The following AJAP1 variants were observed in gnomAD, a reference collection of about 807,000 sequenced individuals.
The protein encoded by AJAP1 is adherens junction-associated protein 1.
AJAP1 carries 5 observed loss-of-function variants against 35.0 expected under a neutral mutation model. That is an observed-to-expected ratio of 0.14 (90% CI 0.07 to 0.30). The LOEUF (loss-of-function observed/expected upper bound fraction) is 0.30, where lower values mean the gene tolerates loss of function less well. Among genes scored for constraint, AJAP1 ranks in the 10% least tolerant of loss-of-function variants. The probability of loss-of-function intolerance (pLI) is 1.00; values close to 1 mark genes in which losing one functional copy is unlikely to be tolerated. For missense variants in AJAP1, 586 were observed against 571.0 expected, an observed-to-expected ratio of 1.03 and a Z score of -0.27; for synonymous variants, 284 against 249.3, an observed-to-expected ratio of 1.14 and a Z score of -1.31.
At chr1:4,702,740 G>A (rs1282411823) in intron 1 of AJAP1, among the ~76,000 whole-genome samples, 2 of 152,280 alleles carry the variant, frequency 1.3e-5, no homozygotes, top group East Asian at 3.9e-4. Context: ...AGGAGCCTCC[G>A]CTGGGTACTC....
intron 1 of AJAP1, among the ~76,000 whole-genome samples, chr1:4,683,123 C>T (rs781333483): frequency 6.6e-6 from 1 of 152,204 alleles, no homozygotes; most frequent in Non-Finnish European, 1.5e-5. Flanking sequence ...TGGACTCTTA[C>T]CTGCTGTGTA....
At position 4,684,638 on chromosome 1, in the gene AJAP1, C is replaced by T. The variant is rs1342238198; in HGVS notation, c.30-27262C>T. On this transcript the variant is annotated intron_variant, in intron 1 of 5. Transcript: ENST00000378191. ...AGAAGGTTTTTGCAGGCACTCGCAG[C>T]TTCTCACGTGCCTCCAAATGGACCT... 2.0e-5 allele frequency among the ~76,000 whole-genome samples: 3 copies of T among 152,182 alleles called. No homozygotes were observed. The East Asian group carries it at 5.8e-4, about 29-fold the overall frequency.
At chr1:4,757,863 T>C (rs1056326088) in intron 2 of AJAP1, among the ~76,000 whole-genome samples, 1 of 152,130 alleles carries the variant, frequency 6.6e-6, no homozygotes, top group African/African-American at 2.4e-5. Context: ...GTGATATGCT[T>C]TTGCTGTGTC....
intron 2 of AJAP1, among the ~76,000 whole-genome samples, chr1:4,713,055 C>T (rs1056604507): frequency 6.6e-6 from 1 of 152,118 alleles, no homozygotes; most frequent in Non-Finnish European, 1.5e-5. Flanking sequence ...AGAATTTTGT[C>T]TCTGGGGCCG....
At chr1:4,718,785 A>G (rs762539311) in intron 2 of AJAP1, among the ~76,000 whole-genome samples, 2 of 152,018 alleles carry the variant, frequency 1.3e-5, no homozygotes, top group Non-Finnish European at 1.5e-5. Context: ...CCGGCCTCCT[A>G]AGGCACTTTC....
In AJAP1 at chr1:4,712,057, C is replaced by T. The variant is rs758994527; in HGVS notation, c.187C>T (p.Leu63=). The T allele has an allele frequency of 8.2e-6, 13 of 1,585,804 alleles. No individual in the cohort carries two copies. The highest frequency in any genetic ancestry group is 1.4e-5 in the African/African-American group (1 of 72,208). The change falls in exon 2 of 6, where the codon CTG becomes TTG. Residue 63 remains leucine, a synonymous_variant. Coordinates refer to ENST00000378191, the MANE Select transcript of AJAP1 (RefSeq NM_018836.4). ...GCGGTCGCCGCCCCGGCCGCCCCGG[C>T]TGTGGAGTTTTAGGAGTGGACAGCC... ...LPRSPPRPPR[L]WSFRSGQPAR...
intron 1 of AJAP1, among the ~76,000 whole-genome samples, chr1:4,701,839 G>A (rs1024649374): frequency 3.9e-5 from 6 of 152,172 alleles, no homozygotes; most frequent in African/African-American, 7.2e-5. Context: ...GTGATGCTGC[G>A]TAGATGCAGG....
intron 2 of AJAP1, among the ~76,000 whole-genome samples, chr1:4,762,315 G>T (rs1036783047): frequency 6.6e-6 from 1 of 152,214 alleles, no homozygotes; most frequent in Non-Finnish European, 1.5e-5. Flanking sequence ...TCCTGCCTGA[G>T]AAGTGTCTTT....
chr1:4,674,766 G>A (rs1382410601), intron 1 of AJAP1, among the ~76,000 whole-genome samples: 1 of 152,212 alleles, frequency 6.6e-6, no homozygotes, highest in Non-Finnish European at 1.5e-5. Context: ...GAGTGAGCAG[G>A]CAGCATTCTG....
chr1:4,682,017 C>T (rs576809527), intron 1 of AJAP1, among the ~76,000 whole-genome samples: 1 of 152,284 alleles, frequency 6.6e-6, no homozygotes, highest in South Asian at 2.1e-4. Context: ...GCACGAGGAA[C>T]ATAGTAAGGC....
intron 2 of AJAP1, among the ~76,000 whole-genome samples, chr1:4,735,660 G>A (rs994843257): frequency 1.2e-5 from 1 of 80,446 alleles, no homozygotes; most frequent in African/African-American, 3.8e-5. Context: ...TGCTGTGTGA[G>A]GTGTGAGGTG....
At chr1:4,772,566 T>C in intron 4 of AJAP1, 41 bp downstream of exon 4, 1 of 1,602,830 alleles carries the variant, frequency 6.2e-7, no homozygotes, top group Non-Finnish European at 8.5e-7. Context: ...TGTGAAGCTC[T>C]TGGTGCTCCT....
intron 1 of AJAP1, among the ~76,000 whole-genome samples, chr1:4,690,439 G>C (rs1038096184): frequency 1.6e-4 from 24 of 152,302 alleles, no homozygotes; most frequent in Middle Eastern, 3.4e-3. Context: ...CCCTCTCTTC[G>C]TCATGGAGCC....
At chr1:4,670,068 A>T (rs1305903441) in intron 1 of AJAP1, among the ~76,000 whole-genome samples, 1 of 152,154 alleles carries the variant, frequency 6.6e-6, no homozygotes, top group African/African-American at 2.4e-5. Flanking sequence ...CGGGGATGTC[A>T]CTCAGCCCTG....
At chr1:4,733,027 G>C (rs1430438352) in intron 2 of AJAP1, among the ~76,000 whole-genome samples, 4 of 152,170 alleles carry the variant, frequency 2.6e-5, no homozygotes, top group Non-Finnish European at 5.9e-5. Flanking sequence ...GGGCATTTCA[G>C]AATCTGTTTG....
At chr1:4,729,246 G>C (rs905046519) in intron 2 of AJAP1, among the ~76,000 whole-genome samples, 1 of 152,164 alleles carries the variant, frequency 6.6e-6, no homozygotes, top group African/African-American at 2.4e-5. Flanking sequence ...CGTGAGAAGG[G>C]TGCAGGTCGG....
chr1:4,724,873 T>C (rs1640613082), intron 2 of AJAP1, among the ~76,000 whole-genome samples: 1 of 152,222 alleles, frequency 6.6e-6, no homozygotes. Flanking sequence ...AGGGTGACAA[T>C]GTGCCGTGCT....
chr1:4,766,664 G>C (rs1309518956), intron 2 of AJAP1, among the ~76,000 whole-genome samples: 3 of 152,204 alleles, frequency 2.0e-5, no homozygotes, highest in Non-Finnish European at 4.4e-5. Context: ...GCACACGGCT[G>C]TTTACTTTGC....
In AJAP1 at chr1:4,681,038, G is replaced by A. The variant is rs948482553; in HGVS notation, c.29+25584G>A. On this transcript the variant is annotated intron_variant, in intron 1 of 5. Transcript: ENST00000378191. ...TCTGTTTGAAATGGAGTGTTCTCTAGCACCCGTTATTGGTTTAAAATCCTG... is the reference window on the plus strand; with the variant it reads ...TCTGTTTGAAATGGAGTGTTCTCTAACACCCGTTATTGGTTTAAAATCCTG... Among the ~76,000 whole-genome samples the A allele has an allele frequency of 5.3e-5, 8 of 152,296 alleles. 1 individual carries two copies. Among genetic ancestry groups the A allele is most frequent in the Non-Finnish European group, 1.2e-4 (8 of 68,022 alleles).
Sources: allele counts gnomAD v4.1 joint callset (sites outside exome capture counted in the v4.1 genomes callset), GRCh38; gene constraint gnomAD v4.1.1; transcripts MANE v1.5; gene names NCBI Gene and HGNC (gene_info 2026-07-23, HGNC 2026-07-21).